IQCJ: variants seen among roughly 807,000 people sequenced by gnomAD.
The protein encoded by IQCJ is IQ motif containing J, also known as IQ domain-containing protein J.
IQCJ carries 9 observed loss-of-function variants against 11.0 expected under a neutral mutation model. That is an observed-to-expected ratio of 0.82 (90% CI 0.49 to 1.43). IQCJ has a LOEUF of 1.43. Ranked by LOEUF, IQCJ falls within the 40% of genes most tolerant of loss-of-function variation. IQCJ has a pLI of 0.00. For missense variants in IQCJ, 146 were observed against 133.2 expected (o/e 1.10, Z -0.47); for synonymous variants, 55 against 51.3 (o/e 1.07, Z -0.31).
At position 159,263,733 on chromosome 3, in the gene IQCJ, A is replaced by G; in HGVS notation, c.*1002A>G. On this transcript the variant is annotated 3_prime_UTR_variant, in exon 4 of 4. Transcript: ENST00000397832. Reference sequence around the variant, plus strand: ...AAATGTTTTCAGATGGTTGCATTGCATATTCTTCAATAAATGGTTTTGCCT... The same window carrying G: ...AAATGTTTTCAGATGGTTGCATTGCGTATTCTTCAATAAATGGTTTTGCCT... The G allele has an allele frequency of 1.0e-6, 1 of 985,084 alleles. No homozygotes were observed. The highest frequency in any genetic ancestry group is 1.2e-6 in the Non-Finnish European group (1 of 829,578). 61.0% of individuals were successfully genotyped at this position (985,084 alleles called of 1,614,324 possible).
chr3:159,254,285 C>T (rs1420204665), intron 3 of IQCJ, among the ~76,000 whole-genome samples: 1 of 152,042 alleles, frequency 6.6e-6, no homozygotes, highest in Non-Finnish European at 1.5e-5. Flanking sequence ...CCATCACCTT[C>T]AATATGTAGG....
chr3:159,079,482 G>A (rs59930845), intron 1 of IQCJ, among the ~76,000 whole-genome samples: 29,281 of 151,872 alleles, frequency 0.19, 3,498 homozygotes, highest in South Asian at 0.35. Flanking sequence ...TCTCATCTGA[G>A]TTTTTAAAAA....
At chr3:159,207,935 C>T (rs945819355) in intron 1 of IQCJ, among the ~76,000 whole-genome samples, 1 of 152,108 alleles carries the variant, frequency 6.6e-6, no homozygotes, top group Non-Finnish European at 1.5e-5. Context: ...CACATTCGAA[C>T]AAAGCAAATA....
chr3:159,215,226 A>T (rs1725160959), intron 1 of IQCJ, among the ~76,000 whole-genome samples: 1 of 152,200 alleles, frequency 6.6e-6, no homozygotes, highest in Admixed American at 6.5e-5. Context: ...TGAAGTAAGC[A>T]TAATAAACTA....
At chr3:159,163,953 C>A (rs1352878271) in intron 1 of IQCJ, among the ~76,000 whole-genome samples, 2 of 152,186 alleles carry the variant, frequency 1.3e-5, no homozygotes, top group Non-Finnish European at 2.9e-5. Flanking sequence ...TGGTGATTAA[C>A]TGCCTTAACT....
chr3:159,116,835 C>G (rs1719052870), intron 1 of IQCJ, among the ~76,000 whole-genome samples: 1 of 151,540 alleles, frequency 6.6e-6, no homozygotes, highest in Non-Finnish European at 1.5e-5. Context: ...TGGAAATAAT[C>G]TGAGTCTTAA....
At chr3:159,114,560 C>A (rs919095044) in intron 1 of IQCJ, among the ~76,000 whole-genome samples, 3 of 152,144 alleles carry the variant, frequency 2.0e-5, no homozygotes, top group Non-Finnish European at 4.4e-5. Context: ...ATCCACCCCC[C>A]CTCGGCCTCT....
chr3:159,080,347 T>G (rs1418722279), intron 1 of IQCJ, among the ~76,000 whole-genome samples: 1 of 152,074 alleles, frequency 6.6e-6, no homozygotes, highest in African/African-American at 2.4e-5. Context: ...CAGGGGCGTA[T>G]AAACTCTTCC....
intron 1 of IQCJ, among the ~76,000 whole-genome samples, chr3:159,092,901 A>G (rs1237577775): frequency 6.6e-6 from 1 of 151,642 alleles, no homozygotes; most frequent in Non-Finnish European, 1.5e-5. Flanking sequence ...CACGATCTCT[A>G]CAGTGTACTT....
intron 1 of IQCJ, among the ~76,000 whole-genome samples, chr3:159,225,156 A>G (rs185656883): frequency 6.8e-4 from 104 of 152,316 alleles, no homozygotes; most frequent in Non-Finnish European, 1.1e-3. Context: ...ATGTTCTTCA[A>G]TGGTTGAATG....
At chr3:159,240,213 AATCT>A (rs923163295) in intron 1 of IQCJ, among the ~76,000 whole-genome samples, 4 of 152,164 alleles carry the variant, frequency 2.6e-5, no homozygotes, top group African/African-American at 7.2e-5. Flanking sequence ...TGCAAAGGAT[AATCT>A]ATCTATCTAT....
chr3:159,082,200 C>T (rs2108060042), intron 1 of IQCJ, among the ~76,000 whole-genome samples: 1 of 152,114 alleles, frequency 6.6e-6, no homozygotes, highest in Non-Finnish European at 1.5e-5. Flanking sequence ...GAAAAAGTAT[C>T]TATAATAAAC....
intron 1 of IQCJ, among the ~76,000 whole-genome samples, chr3:159,088,528 C>G (rs1425471421): frequency 1.3e-5 from 2 of 152,136 alleles, no homozygotes; most frequent in Non-Finnish European, 2.9e-5. Context: ...GTGCTAAAGT[C>G]TCCCATTATT....
intron 2 of IQCJ, among the ~76,000 whole-genome samples, chr3:159,249,736 A>G (rs1727482818): frequency 6.6e-6 from 1 of 152,246 alleles, no homozygotes; most frequent in Non-Finnish European, 1.5e-5. Flanking sequence ...CCATAAGTTA[A>G]GTGATAGTGG....
At chr3:159,091,664 A>G (rs368467845) in intron 1 of IQCJ, among the ~76,000 whole-genome samples, 588 of 49,138 alleles carry the variant, frequency 0.012, 12 homozygotes, top group African/African-American at 0.043. Context: ...ACACACACAC[A>G]CACACGCATG....
At chr3:159,254,218 G>C (rs1199527568) in intron 3 of IQCJ, among the ~76,000 whole-genome samples, 1 of 152,170 alleles carries the variant, frequency 6.6e-6, no homozygotes, top group Non-Finnish European at 1.5e-5. Flanking sequence ...ACAAATTAGA[G>C]TGTTTAATGT....
intron 1 of IQCJ, among the ~76,000 whole-genome samples, chr3:159,197,831 G>T (rs942901566): frequency 6.9e-6 from 1 of 145,438 alleles, no homozygotes; most frequent in East Asian, 2.0e-4. Context: ...AGCTTTTCCT[G>T]TTTTTTTTTT....
intron 1 of IQCJ, among the ~76,000 whole-genome samples, chr3:159,080,060 T>C (rs978105315): frequency 6.6e-6 from 1 of 152,140 alleles, no homozygotes; most frequent in African/African-American, 2.4e-5. Flanking sequence ...ACCTTTACAA[T>C]AGACTGTATT....
intron 1 of IQCJ, among the ~76,000 whole-genome samples, chr3:159,107,238 G>A (rs1408800647): frequency 5.3e-5 from 8 of 151,998 alleles, no homozygotes; most frequent in Admixed American, 3.9e-4. Context: ...TAAATGGTAA[G>A]GGCAGGGCCC....
Sources: gnomAD v4.1 joint callset for allele counts (sites outside exome capture counted in the v4.1 genomes callset) on GRCh38, gnomAD v4.1.1 for gene constraint, MANE v1.5 for transcripts, NCBI Gene and HGNC (gene_info 2026-07-23, HGNC 2026-07-21) for gene names.